The following DUOX1 variants were observed in gnomAD, a reference collection of about 807,000 sequenced individuals.
The protein encoded by DUOX1 is dual oxidase 1.
In DUOX1, 134 loss-of-function variants were observed where a neutral mutation model predicts 181.8. That is an observed-to-expected ratio of 0.74 (90% CI 0.64 to 0.85). The LOEUF is 0.85. Ranked by LOEUF, DUOX1 falls within the 40% of genes least tolerant of loss-of-function variation. DUOX1 has a pLI of 0.00. For synonymous variants in DUOX1, 798 were observed against 832.5 expected, an observed-to-expected ratio of 0.96 and a Z score of 0.71; for missense variants, 1,814 against 2,064.4, an observed-to-expected ratio of 0.88 and a Z score of 2.35.
At chr15:45,149,378 C>T (rs372604794) in intron 21 of DUOX1, among the ~76,000 whole-genome samples, 7 of 152,268 alleles carry the variant, frequency 4.6e-5, no homozygotes, top group African/African-American at 1.7e-4. Context: ...AGCCTAAGGG[C>T]AGGGGCAACG....
At position 45,153,529 on chromosome 15, in the gene DUOX1, T is replaced by C. The variant is rs775218954; in HGVS notation, c.3524+50T>C. The C allele has an allele frequency of 2.6e-5, 23 of 873,146 alleles. 2 individuals are homozygous for C. Among genetic ancestry groups the C allele is most frequent in the Non-Finnish European group, 3.4e-5 (22 of 644,164 alleles). 54.1% of individuals were successfully genotyped at this position (873,146 alleles called of 1,614,324 possible). A position where few individuals can be genotyped will look rare whatever the true frequency, so the allele number is the denominator to read the frequency against. ...GTGTGTGTGTGTGTGTGTGTGTGTG[T>C]GTGTGTGTGTGTGTGTGTATAATGG... On this transcript the variant is annotated intron_variant, in intron 26 of 33. Coordinates refer to ENST00000389037, the MANE Select transcript of DUOX1 (RefSeq NM_175940.3).
rs191234275 is a variant in DUOX1 at position 45,139,817 on chromosome 15, G to A, written c.1389+218G>A. 20 of 629,118 alleles carry A rather than the reference G, an allele frequency of 3.2e-5. No individual in the cohort carries two copies. The Admixed American group carries it at 4.3e-4, about 13-fold the overall frequency. The allele number at this position is 629,118 out of a possible 1,614,324, so 39.0% of individuals were successfully genotyped here. On this transcript the variant is annotated intron_variant, in intron 12 of 33. Transcript: ENST00000389037. ...CACTCGGATTGTTCAGATCCAGCAA[G>A]CGTGTATTAAGCATCTATTGTTTGC... is the stretch of plus-strand genomic sequence containing the variant.
At chr15:45,133,779 G>A in intron 2 of DUOX1, 85 bp from the exon 3 acceptor site, 1 of 1,172,690 alleles carries the variant, frequency 8.5e-7, no homozygotes, top group Non-Finnish European at 1.2e-6. Flanking sequence ...CAAGTGCCAG[G>A]CTCACAGCAC....
chr15:45,133,774 G>A, intron 2 of DUOX1, 90 bp from the exon 3 acceptor site: 2 of 1,110,330 alleles, frequency 1.8e-6, no homozygotes, highest in Non-Finnish European at 2.7e-6. Context: ...TGCTCCAAGT[G>A]CCAGGCTCAC....
In DUOX1 at chr15:45,132,027, G is replaced by A. The variant is rs1377040867; in HGVS notation, c.58+3G>A. 1.2e-6 allele frequency: 2 copies of A among 1,608,636 alleles called. No homozygotes were observed. The highest frequency in any genetic ancestry group is 4.5e-5 in the East Asian group (2 of 44,834). ...GGTTGGGGCATGGACCCCTCTGGGTGAGTACAGATTGGAGGAGAAGCATGG... is the reference window on the plus strand; with the variant it reads ...GGTTGGGGCATGGACCCCTCTGGGTAAGTACAGATTGGAGGAGAAGCATGG... On this transcript the variant is annotated splice_donor_region_variant and intron_variant, in intron 2 of 33. Coordinates refer to ENST00000389037, the MANE Select transcript of DUOX1 (RefSeq NM_175940.3).
chr15:45,152,305 TCACACGGG>T lies in DUOX1; in HGVS notation c.3216_3223del (p.Thr1073HisfsTer98), dbSNP rs763475440. 8.7e-6 allele frequency: 14 copies of T among 1,613,964 alleles called. No homozygotes were observed. Among genetic ancestry groups the T allele is most frequent in the Non-Finnish European group, 1.2e-5 (14 of 1,179,954 alleles). ...CCACAGACTACGCCTTTGCCGCACATCACACGGGCATCACAGACACCACCCGCGTGGGA... is the reference window on the plus strand; with the variant it reads ...CCACAGACTACGCCTTTGCCGCACATCATCACAGACACCACCCGCGTGGGA... On this transcript the variant is annotated frameshift_variant, in exon 25 of 34. Transcript: ENST00000389037. LOFTEE classifies it high-confidence loss of function.
intron 1 of DUOX1, among the ~76,000 whole-genome samples, chr15:45,130,689 G>C (rs908184658): frequency 2.0e-5 from 3 of 152,236 alleles, no homozygotes; most frequent in African/African-American, 7.2e-5. Flanking sequence ...CCCACAAGGA[G>C]TGGTTATTAA....
At chr15:45,134,775 G>T (rs2141252606) in intron 4 of DUOX1, among the ~76,000 whole-genome samples, 1 of 152,310 alleles carries the variant, frequency 6.6e-6, no homozygotes, top group Admixed American at 6.5e-5. Flanking sequence ...TGACAGGATT[G>T]GTGGCTGGTC....
chr15:45,141,179 AC>A (rs1896481581), intron 13 of DUOX1, 109 bp downstream of exon 13: 21 of 1,564,510 alleles, frequency 1.3e-5, no homozygotes, highest in Non-Finnish European at 1.8e-5. Context: ...CCAGCCCACC[AC>A]CCACTTCCCA....
chr15:45,145,617 TAGATAA>T (rs1433779101), intron 18 of DUOX1, among the ~76,000 whole-genome samples: 39 of 151,900 alleles, frequency 2.6e-4, no homozygotes, highest in Non-Finnish European at 5.3e-4. Flanking sequence ...AGAAACATGG[TAGATAA>T]AGATAAATAT....
At chr15:45,161,212 G>A (rs1212972453) in intron 29 of DUOX1, among the ~76,000 whole-genome samples, 2 of 151,684 alleles carry the variant, frequency 1.3e-5, no homozygotes, top group African/African-American at 4.9e-5. Context: ...AAGAGATCGA[G>A]ACCATCCTGG....
At position 45,164,782 on chromosome 15, in the gene DUOX1, C is replaced by T. The variant is rs756591126; in HGVS notation, c.4537C>T (p.Arg1513Trp). The T allele has an allele frequency of 5.6e-6, 9 of 1,614,044 alleles. No individual in the cohort carries two copies. Among genetic ancestry groups the T allele is most frequent in the Admixed American group, 3.3e-5 (2 of 59,988 alleles). ...NSLQEVHPQV[R>W]KIGVFSCGPP... The stretch of plus-strand genomic sequence containing the variant: ...CCACTTATTCCTCCTGCAACAGGTC[C>T]GGAAGATCGGGGTGTTTAGCTGTGG... Residue 1513 changes from arginine to tryptophan, a missense_variant, in exon 34 of 34, where the codon CGG (arginine) becomes TGG (tryptophan). Physicochemically the swap from Arg to Trp is moderately radical, Grantham distance 101. Around this residue, in one of 5 missense-constraint regions of DUOX1, gnomAD observed 124 missense variants for 125.7 expected, o/e 0.99. Coordinates refer to ENST00000389037, the MANE Select transcript of DUOX1 (RefSeq NM_175940.3).
At chr15:45,154,052 G>A in intron 27 of DUOX1, 52 bp downstream of exon 27, 2 of 1,581,144 alleles carry the variant, frequency 1.3e-6, no homozygotes, top group Non-Finnish European at 1.7e-6. Flanking sequence ...TGAGTTCAAG[G>A]CTCTGGGTTC....
In DUOX1 at chr15:45,133,902, G is replaced by T; in HGVS notation, c.97G>T (p.Asp33Tyr). Residue 33 changes from aspartate (D) to tyrosine (Y), a missense_variant, in exon 3 of 34, where the codon GAT becomes TAT. Transcript: ENST00000389037. ...NPISWEVQRFDGWYNNLMEHR... is the reference protein window; with the variant it reads ...NPISWEVQRFYGWYNNLMEHR... ...CATTTCGTGGGAGGTGCAGCGATTT[G>T]ATGGGTGGTACAACAACCTCATGGA... 4 of 1,613,992 alleles carry T rather than the reference G, an allele frequency of 2.5e-6. No homozygotes were observed. Among genetic ancestry groups the T allele is most frequent in the Non-Finnish European group, 3.4e-6 (4 of 1,179,958 alleles).
At chr15:45,147,289 T>A in intron 18 of DUOX1, 144 bp from the exon 19 acceptor site, 1 of 1,044,910 alleles carries the variant, frequency 9.6e-7, no homozygotes, top group South Asian at 1.7e-5. Context: ...AGAACAAACA[T>A]GGCCTCAGGC....
intron 14 of DUOX1, 91 bp from the exon 15 acceptor site, chr15:45,141,884 A>C (rs1595581189): frequency 3.5e-6 from 5 of 1,422,134 alleles, no homozygotes; most frequent in East Asian, 2.4e-5. Context: ...GAGTGCCCCC[A>C]CCCCCTTTCT....
rs74490050 is a variant in DUOX1 at position 45,131,485 on chromosome 15, C to T, written c.-49-433C>T. 5.7e-3 allele frequency: 927 copies of T among 163,842 alleles called. 11 individuals are homozygous for T. Among genetic ancestry groups the T allele is most frequent in the African/African-American group, 0.021 (888 of 41,642 alleles). The allele number at this position is 163,842 out of a possible 1,614,324, so 10.1% of individuals were successfully genotyped here. ...TGCTCCCATAGCTGGAAGAGGAAAA[C>T]AAGGATCAGATTGGAGAAGTGATTT... is the stretch of plus-strand genomic sequence containing the variant. On this transcript the variant is annotated intron_variant, in intron 1 of 33. Coordinates refer to ENST00000389037, the MANE Select transcript of DUOX1 (RefSeq NM_175940.3).
At chr15:45,132,473 G>A (rs533266627) in intron 2 of DUOX1, among the ~76,000 whole-genome samples, 1 of 152,304 alleles carries the variant, frequency 6.6e-6, no homozygotes, top group Non-Finnish European at 1.5e-5. Flanking sequence ...TCTTCCATAA[G>A]AGTTTCATGT....
Position 45,153,478 on chromosome 15 carries a change from G to T in DUOX1, c.3523G>T (p.Gly1175Trp), listed in dbSNP as rs1194744954. Reference protein sequence around the residue: ...CLFPGLFHDDGSELPQKYYWW... With the variant: ...CLFPGLFHDDWSELPQKYYWW... ...CTTTCCTGGCCTCTTCCATGATGAT[G>T]GGTGAGTAAGTGCGAATGTGTGTGT... Residue 1175 changes from glycine to tryptophan, a missense_variant and splice_region_variant, in exon 26 of 34, where the codon GGG (glycine) becomes TGG (tryptophan). Physicochemically the swap from Gly to Trp is radical, Grantham distance 184. Coordinates refer to ENST00000389037, the MANE Select transcript of DUOX1 (RefSeq NM_175940.3). The T allele has an allele frequency of 6.2e-7, 1 of 1,604,778 alleles. No homozygotes were observed. Among genetic ancestry groups the T allele is most frequent in the East Asian group, 2.2e-5 (1 of 44,780 alleles).
Sources: gnomAD v4.1 joint callset for allele counts (sites outside exome capture counted in the v4.1 genomes callset) on GRCh38, gnomAD v4.1.1 for gene constraint, gnomAD v4.1.1 regional missense constraint, MANE v1.5 for transcripts, NCBI Gene and HGNC (gene_info 2026-07-23, HGNC 2026-07-21) for gene names.